The following OR56A4 variants were observed in gnomAD, a reference collection of about 807,000 sequenced individuals.
OR56A4 encodes the protein olfactory receptor family 56 subfamily A member 4, also known as olfactory receptor 56A4.
OR56A4 carries 9 observed loss-of-function variants against 13.6 expected under a neutral mutation model. The observed-to-expected ratio is 0.66, with a 90% CI of 0.40 to 1.15. The LOEUF is 1.15. OR56A4 is among the 50% of genes most tolerant of loss of function. The probability of loss-of-function intolerance (pLI) is 0.01; values close to 1 mark genes in which losing one functional copy is unlikely to be tolerated. For synonymous variants in OR56A4, 167 were observed against 153.9 expected (o/e 1.08, Z -0.63); for missense variants, 380 against 375.9 (o/e 1.01, Z -0.09).
rs1250693657 is a variant in OR56A4 at position 5,999,736 on chromosome 11, C to T, written c.*2315G>A. 1 of 152,158 alleles carries T rather than the reference C, an allele frequency of 6.6e-6. No individual in the cohort carries two copies. Among genetic ancestry groups the T allele is most frequent in the Non-Finnish European group, 1.5e-5 (1 of 68,030 alleles). 9.4% of individuals were successfully genotyped at this position (152,158 alleles called of 1,614,324 possible). ...AATGTTCTACAGATTTTGTTCAACA[C>T]ATTTTTATTTTAAATTTATCTGTAT... On this transcript the variant is annotated 3_prime_UTR_variant, in exon 3 of 3. Transcript: ENST00000641156.
In OR56A4 at chr11:6,006,274, G is replaced by T. The variant is rs976234330; in HGVS notation, c.-62C>A. On this transcript the variant is annotated 5_prime_UTR_variant, in exon 2 of 3. Coordinates refer to ENST00000641156, the MANE Select transcript of OR56A4 (RefSeq NM_001005179.4). ...CTTGTAATTCCTTAATAGCTGGAAT[G>T]ATTTTTCCTCCCTCTGAATTTTCCT... The T allele has an allele frequency of 5.9e-5, 9 of 152,192 alleles. No homozygotes were observed. The highest frequency in any genetic ancestry group is 1.9e-4 in the African/African-American group (8 of 41,436). The allele number at this position is 152,192 out of a possible 1,614,324, so 9.4% of individuals were successfully genotyped here.
At chr11:6,003,525 G>A (rs894502313) in intron 2 of OR56A4, among the ~76,000 whole-genome samples, 7 of 152,114 alleles carry the variant, frequency 4.6e-5, no homozygotes, top group African/African-American at 9.7e-5. Flanking sequence ...GAACCAGGAC[G>A]CCATTGCATT....
rs1848201764 is a variant in OR56A4, at chr11:5,999,806, A to G, written c.*2245T>C. ...TAGCCATGCAGAATTTTAAAGATGAATAAAATACTCTCAACCTAAAAGAAG... is the reference window on the plus strand; with the variant it reads ...TAGCCATGCAGAATTTTAAAGATGAGTAAAATACTCTCAACCTAAAAGAAG... On this transcript the variant is annotated 3_prime_UTR_variant, in exon 3 of 3. Coordinates refer to ENST00000641156, the MANE Select transcript of OR56A4 (RefSeq NM_001005179.4). The G allele has an allele frequency of 6.6e-6, 1 of 152,364 alleles. No homozygotes were observed. The highest frequency in any genetic ancestry group is 6.5e-5 in the Admixed American group (1 of 15,310). The allele number at this position is 152,364 out of a possible 1,614,324, so 9.4% of individuals were successfully genotyped here. A position where few individuals can be genotyped will look rare whatever the true frequency, so the allele number is the denominator to read the frequency against.
Position 6,002,324 on chromosome 11 carries a change from A to T in OR56A4, c.669T>A (p.Phe223Leu), listed in dbSNP as rs1472196283. The change falls in exon 3 of 3, where the codon TTT (phenylalanine) becomes TTA (leucine). Residue 223 changes from phenylalanine to leucine, a missense_variant. Physicochemically the swap from Phe to Leu is conservative, Grantham distance 22 (BLOSUM62 0). Transcript: ENST00000641156. ...DLILIVISYSFILKVVLRIKA... is the reference protein window; with the variant it reads ...DLILIVISYSLILKVVLRIKA... ...TGATCCTAAGCACAACTTTCAATAT[A>T]AAAGAATAGGAGATAACAATAAGGA... 6.2e-7 allele frequency: 1 copy of T among 1,614,054 alleles called. No individual in the cohort carries two copies. The highest frequency in any genetic ancestry group is 8.5e-7 in the Non-Finnish European group (1 of 1,180,004).
chr11:6,003,271 G>T, intron 2 of OR56A4: 2 of 598,786 alleles, frequency 3.3e-6, no homozygotes, highest in Non-Finnish European at 5.4e-6. Context: ...AATGTTACAG[G>T]TAATAAAATA....
intron 2 of OR56A4, among the ~76,000 whole-genome samples, chr11:6,004,369 A>G (rs1015379269): frequency 1.3e-5 from 2 of 152,132 alleles, no homozygotes; most frequent in Non-Finnish European, 1.5e-5. Context: ...AAAAGAAAAA[A>G]GAGAGGGAGA....
At chr11:6,006,574 G>A (rs1198216316) in intron 1 of OR56A4, among the ~76,000 whole-genome samples, 171 bp from the exon 2 acceptor site, 2 of 152,214 alleles carry the variant, frequency 1.3e-5, no homozygotes, top group Non-Finnish European at 2.9e-5. Flanking sequence ...AGAAGAAGCA[G>A]TCACCTAGGT....
At chr11:6,006,744 C>A (rs1045204344) in intron 1 of OR56A4, among the ~76,000 whole-genome samples, 174 bp downstream of exon 1, 2 of 152,182 alleles carry the variant, frequency 1.3e-5, no homozygotes, top group African/African-American at 2.4e-5. Flanking sequence ...AAATCACAGC[C>A]ATAGGTCAGT....
In OR56A4 at chr11:6,002,645, G is replaced by A. The variant is rs1379797795; in HGVS notation, c.348C>T (p.Cys116=). ...IMNSFLTMES[C]TFMVMAYDRY... is the part of the protein sequence containing the mutation. Reference sequence around the variant, plus strand: ...GGTCATAGGCCATGACCATGAACGTGCAGGACTCCATGGTCAAAAAACTGT... The same window carrying A: ...GGTCATAGGCCATGACCATGAACGTACAGGACTCCATGGTCAAAAAACTGT... Residue 116 remains cysteine, a synonymous_variant, in exon 3 of 3, where the codon TGC becomes TGT. Coordinates refer to ENST00000641156, the MANE Select transcript of OR56A4 (RefSeq NM_001005179.4). The A allele has an allele frequency of 1.2e-6, 2 of 1,614,260 alleles. No homozygotes were observed. The highest frequency in any genetic ancestry group is 1.7e-6 in the Non-Finnish European group (2 of 1,180,046).
intron 2 of OR56A4, among the ~76,000 whole-genome samples, chr11:6,004,479 T>C (rs752301096): frequency 2.2e-4 from 33 of 152,226 alleles, no homozygotes; most frequent in Non-Finnish European, 4.9e-4. Flanking sequence ...CATGAGAAGA[T>C]ATTAGAAGAC....
In OR56A4 at chr11:6,003,043, G is replaced by C; in HGVS notation, c.-36-15C>G. The stretch of plus-strand genomic sequence containing the variant: ...ACCCAGTGTACCTTAAAACGTAGTA[G>C]AGAAGTACAGAAACATAAAAAGTAC... On this transcript the variant is annotated splice_polypyrimidine_tract_variant and intron_variant, in intron 2 of 2. Coordinates refer to ENST00000641156, the MANE Select transcript of OR56A4 (RefSeq NM_001005179.4). 3 of 1,613,908 alleles carry C rather than the reference G, an allele frequency of 1.9e-6. No homozygotes were observed. The highest frequency in any genetic ancestry group is 2.5e-6 in the Non-Finnish European group (3 of 1,179,786).
At chr11:6,003,115 G>A (rs1408380242) in intron 2 of OR56A4, 87 bp from the exon 3 acceptor site, 1 of 1,590,032 alleles carries the variant, frequency 6.3e-7, no homozygotes, top group Non-Finnish European at 8.6e-7. Context: ...CCCTGTATCT[G>A]TCCCAATAAA....
Position 6,000,287 on chromosome 11 carries a change from A to G in OR56A4, c.*1764T>C, listed in dbSNP as rs1309365115. On this transcript the variant is annotated 3_prime_UTR_variant, in exon 3 of 3. Transcript: ENST00000641156. ...ACCATGGAATACTATGCAGCCATAA[A>G]AAATGATGAGTTCATGTCCTTGGTA... The G allele has an allele frequency of 6.6e-6, 1 of 152,248 alleles. No individual in the cohort carries two copies. Among genetic ancestry groups the G allele is most frequent in the Non-Finnish European group, 1.5e-5 (1 of 68,044 alleles). 9.4% of individuals were successfully genotyped at this position (152,248 alleles called of 1,614,324 possible).
chr11:6,002,443 T>C lies in OR56A4; in HGVS notation c.550A>G (p.Asn184Asp). ...GNIIKNCICSNLSVSKLSCDD... is the reference protein window; with the variant it reads ...GNIIKNCICSDLSVSKLSCDD... ...CAAGAGAGTTTGGACACAGACAGGT[T>C]ACTGCAGATGCAGTTCTTGATTATG... Residue 184 changes from asparagine to aspartate, a missense_variant, in exon 3 of 3, where the codon AAC becomes GAC. Physicochemically the swap from Asn to Asp is conservative, Grantham distance 23. Coordinates refer to ENST00000641156, the MANE Select transcript of OR56A4 (RefSeq NM_001005179.4). 1 of 1,614,250 alleles carries C rather than the reference T, an allele frequency of 6.2e-7. No individual in the cohort carries two copies. Among genetic ancestry groups the C allele is most frequent in the Non-Finnish European group, 8.5e-7 (1 of 1,180,026 alleles).
chr11:6,004,223 A>G (rs1451504466), intron 2 of OR56A4, among the ~76,000 whole-genome samples: 1 of 152,132 alleles, frequency 6.6e-6, no homozygotes, highest in Admixed American at 6.5e-5. Context: ...GTGGTGGTGC[A>G]TGCCTGTAAT....
chr11:6,002,743 C>A lies in OR56A4; in HGVS notation c.250G>T (p.Val84Phe), dbSNP rs1848225469. 1 of 1,613,976 alleles carries A rather than the reference C, an allele frequency of 6.2e-7. No homozygotes were observed. The highest frequency in any genetic ancestry group is 1.7e-5 in the Admixed American group (1 of 60,010). The change falls in exon 3 of 3, where the codon GTC becomes TTC. Residue 84 changes from valine (V) to phenylalanine (F), a missense_variant. Transcript: ENST00000641156. Reference sequence around the variant, plus strand: ...AGGTCAAACCAGAAGATGGCCAGGACCTTGGGGATGACGGTGAGGCAGAGC... The same window carrying A: ...AGGTCAAACCAGAAGATGGCCAGGAACTTGGGGATGACGGTGAGGCAGAGC... Reference protein sequence around the residue: ...IVLCLTVIPKVLAIFWFDLRS... With the variant: ...IVLCLTVIPKFLAIFWFDLRS...
rs999345704 is a variant in OR56A4 at position 6,000,048 on chromosome 11, A to C, written c.*2003T>G. The C allele has an allele frequency of 6.6e-6, 1 of 152,178 alleles. No homozygotes were observed. Among genetic ancestry groups the C allele is most frequent in the South Asian group, 2.1e-4 (1 of 4,828 alleles). 9.4% of individuals were successfully genotyped at this position (152,178 alleles called of 1,614,324 possible). ...AACTAGTTCAACCATTGTGGAAGTCAGTGTGGAGATTCCTCAGGGATCTAG... is the reference window on the plus strand; with the variant it reads ...AACTAGTTCAACCATTGTGGAAGTCCGTGTGGAGATTCCTCAGGGATCTAG... On this transcript the variant is annotated 3_prime_UTR_variant, in exon 3 of 3. Transcript: ENST00000641156.
At position 6,002,177 on chromosome 11, in the gene OR56A4, A is replaced by T. The variant is rs759329438; in HGVS notation, c.816T>A (p.Pro272=). The part of the protein sequence containing the change: ...VITNLARKRI[P]PDVPILLNIL... ...TGTTGAGCAGGATGGGGACATCTGG[A>T]GGAATTCTCTTCCTGGCCAGGTTAG... Residue 272 remains proline, a synonymous_variant, in exon 3 of 3, where the codon CCT becomes CCA. Transcript: ENST00000641156. 1 of 1,614,228 alleles carries T rather than the reference A, an allele frequency of 6.2e-7. No homozygotes were observed. Among genetic ancestry groups the T allele is most frequent in the East Asian group, 2.2e-5 (1 of 44,886 alleles).
Position 6,002,343 on chromosome 11 carries a change from A to G in OR56A4, c.650T>C (p.Ile217Thr), listed in dbSNP as rs1391230467. The G allele has an allele frequency of 1.9e-6, 3 of 1,614,158 alleles. No homozygotes were observed. Among genetic ancestry groups the G allele is most frequent in the South Asian group, 1.1e-5 (1 of 91,072 alleles). Reference sequence around the variant, plus strand: ...CAATATAAAAGAATAGGAGATAACAATAAGGATAAGATCAGAGCCCAACAG... The same window carrying G: ...CAATATAAAAGAATAGGAGATAACAGTAAGGATAAGATCAGAGCCCAACAG... ...WTLLGSDLIL[I>T]VISYSFILKV... The change falls in exon 3 of 3, where the codon ATT becomes ACT. Residue 217 changes from isoleucine to threonine, a missense_variant. By Grantham distance (89) the Ile-to-Thr change is moderately conservative. Transcript: ENST00000641156.
Sources: gnomAD v4.1 joint callset for allele counts (sites outside exome capture counted in the v4.1 genomes callset) on GRCh38, gnomAD v4.1.1 for gene constraint, MANE v1.5 for transcripts, NCBI Gene and HGNC (gene_info 2026-07-23, HGNC 2026-07-21) for gene names.